The following TTC9 variants were observed in gnomAD, a reference collection of about 807,000 sequenced individuals.
TTC9 encodes tetratricopeptide repeat domain 9, also known as tetratricopeptide repeat protein 9A.
Under a neutral mutation model 22.9 loss-of-function variants are expected in TTC9, and 13 were observed. The ratio of observed to expected loss-of-function variants is 0.57; its 90% confidence interval spans 0.37 to 0.90. The LOEUF (loss-of-function observed/expected upper bound fraction) is 0.90. TTC9 is among the 40% of genes least tolerant of loss of function. The pLI, the probability that TTC9 is intolerant of heterozygous loss-of-function variation, is 0.01. For synonymous variants in TTC9, 148 were observed against 133.2 expected (o/e 1.11, Z -0.77); for missense variants, 280 against 291.8 (o/e 0.96, Z 0.29).
chr14:70,662,004 C>T (rs1886150680), intron 1 of TTC9, among the ~76,000 whole-genome samples: 1 of 152,178 alleles, frequency 6.6e-6, no homozygotes, highest in Non-Finnish European at 1.5e-5. Flanking sequence ...TCCTCTAGCA[C>T]TTCTTCCCAC....
chr14:70,668,842 C>A (rs141440980), intron 2 of TTC9, among the ~76,000 whole-genome samples: 3,791 of 117,120 alleles, frequency 0.032, 173 homozygotes, highest in African/African-American at 0.12. Flanking sequence ...CAGAACAAGA[C>A]CTTGTCTAAA....
Position 70,671,495 on chromosome 14 carries a change from G to A in TTC9, c.*340G>A, listed in dbSNP as rs1362333059. 1 of 256,852 alleles carries A rather than the reference G, an allele frequency of 3.9e-6. No individual in the cohort carries two copies. The highest frequency in any genetic ancestry group is 7.7e-6 in the Non-Finnish European group (1 of 130,108). 15.9% of individuals were successfully genotyped at this position (256,852 alleles called of 1,614,324 possible). A position where few individuals can be genotyped will look rare whatever the true frequency, so the allele number is the denominator to read the frequency against. On this transcript the variant is annotated 3_prime_UTR_variant, in exon 3 of 3. Coordinates refer to ENST00000256367, the MANE Select transcript of TTC9 (RefSeq NM_015351.2). ...GGCCAGTGCTTCTGACAGAGGCGGA[G>A]CCTGGCAAGTGTACCATCCCACAGG...
rs1886340664 is a variant in TTC9, at chr14:70,674,496, T to G, written c.*3341T>G. On this transcript the variant is annotated 3_prime_UTR_variant, in exon 3 of 3. Transcript: ENST00000256367. Reference sequence around the variant, plus strand: ...TCTTTAATAACTTTTCAAGTGTGTATTTATATTTTAGAATATGTAATCCTA... The same window carrying G: ...TCTTTAATAACTTTTCAAGTGTGTAGTTATATTTTAGAATATGTAATCCTA... 6.6e-6 allele frequency: 1 copy of G among 152,244 alleles called. No individual in the cohort carries two copies. The highest frequency in any genetic ancestry group is 2.1e-4 in the South Asian group (1 of 4,826). 9.4% of individuals were successfully genotyped at this position (152,244 alleles called of 1,614,324 possible). A position where few individuals can be genotyped will look rare whatever the true frequency, so the allele number is the denominator to read the frequency against.
At chr14:70,644,460 A>G (rs1885874663) in intron 1 of TTC9, among the ~76,000 whole-genome samples, 1 of 152,230 alleles carries the variant, frequency 6.6e-6, no homozygotes, top group East Asian at 1.9e-4. Context: ...TTAAATCTTT[A>G]TAATCTATGT....
chr14:70,654,450 G>A (rs1886029361), intron 1 of TTC9, among the ~76,000 whole-genome samples: 1 of 151,502 alleles, frequency 6.6e-6, no homozygotes, highest in African/African-American at 2.4e-5. Flanking sequence ...AATTAGCCGG[G>A]CGTGGCGGTA....
Position 70,672,642 on chromosome 14 carries a change from C to G in TTC9, c.*1487C>G, listed in dbSNP as rs1478848721. 6.6e-6 allele frequency: 1 copy of G among 152,050 alleles called. No individual in the cohort carries two copies. The highest frequency in any genetic ancestry group is 1.5e-5 in the Non-Finnish European group (1 of 68,016). 9.4% of individuals were successfully genotyped at this position (152,050 alleles called of 1,614,324 possible). A position where few individuals can be genotyped will look rare whatever the true frequency, so the allele number is the denominator to read the frequency against. ...GACTAGTGAAAAAGACAATGTTGTA[C>G]AAAATTAAAATATATACAGATGCAA... On this transcript the variant is annotated 3_prime_UTR_variant, in exon 3 of 3. Transcript: ENST00000256367.
At position 70,642,149 on chromosome 14, in the gene TTC9, C is replaced by T; in HGVS notation, c.20C>T (p.Ala7Val). ...GGCCGAATGGAGAGAAAGGGCTCGG[C>T]GGCCGGGGCCAAGGGGAACCCGAGC... MERKGS[A>V]AGAKGNPSPP... Residue 7 changes from alanine (A) to valine (V), a missense_variant, in exon 1 of 3, where the codon GCG (alanine) becomes GTG (valine). Physicochemically the swap from Ala to Val is moderately conservative, Grantham distance 64. Around this residue, in one of 5 missense-constraint regions of TTC9, gnomAD observed 49 missense variants for 39.8 expected, o/e 1.23. Coordinates refer to ENST00000256367, the MANE Select transcript of TTC9 (RefSeq NM_015351.2). The T allele has an allele frequency of 6.9e-6, 8 of 1,166,786 alleles. No homozygotes were observed. The highest frequency in any genetic ancestry group is 8.5e-6 in the Non-Finnish European group (8 of 940,784). 72.3% of individuals were successfully genotyped at this position (1,166,786 alleles called of 1,614,324 possible).
Position 70,667,604 on chromosome 14 carries a change from C to G in TTC9, c.447C>G (p.Val149=), listed in dbSNP as rs760159418. Residue 149 remains valine, a synonymous_variant, in exon 2 of 3, where the codon GTC becomes GTG. Coordinates refer to ENST00000256367, the MANE Select transcript of TTC9 (RefSeq NM_015351.2). ...CTGAGCTGGTAAACTATGAACGAGTCAAGGAATATTGCCTCAAAGTCTTGA... is the reference window on the plus strand; with the variant it reads ...CTGAGCTGGTAAACTATGAACGAGTGAAGGAATATTGCCTCAAAGTCTTGA... ...LQAELVNYER[V]KEYCLKVLKK... is the part of the protein sequence containing the mutation. The G allele has an allele frequency of 6.2e-7, 1 of 1,613,944 alleles. No homozygotes were observed. Among genetic ancestry groups the G allele is most frequent in the South Asian group, 1.1e-5 (1 of 91,074 alleles).
At chr14:70,650,880 G>A (rs1050530051) in intron 1 of TTC9, among the ~76,000 whole-genome samples, 3 of 152,064 alleles carry the variant, frequency 2.0e-5, no homozygotes, top group African/African-American at 2.4e-5. Flanking sequence ...TACAGTGTTC[G>A]CATTCAAGAA....
intron 1 of TTC9, among the ~76,000 whole-genome samples, chr14:70,659,432 G>A (rs1886114880): frequency 6.6e-6 from 1 of 152,196 alleles, no homozygotes; most frequent in African/African-American, 2.4e-5. Flanking sequence ...GTTTCAGGAA[G>A]AAACCAGAAA....
At chr14:70,651,210 A>G (rs1434695996) in intron 1 of TTC9, among the ~76,000 whole-genome samples, 1 of 152,190 alleles carries the variant, frequency 6.6e-6, no homozygotes, top group Non-Finnish European at 1.5e-5. Flanking sequence ...TCTAACTCCC[A>G]GCCTCAAGTG....
chr14:70,665,462 G>T (rs1165180893), intron 1 of TTC9, among the ~76,000 whole-genome samples: 2 of 152,316 alleles, frequency 1.3e-5, no homozygotes, highest in East Asian at 3.9e-4. Context: ...AGGGAGGAGA[G>T]GGGAGGGGGG....
intron 1 of TTC9, among the ~76,000 whole-genome samples, chr14:70,643,559 C>G (rs930807178): frequency 6.6e-6 from 1 of 152,156 alleles, no homozygotes; most frequent in Non-Finnish European, 1.5e-5. Context: ...CCTCCTAGTT[C>G]CTGACATGTG....
chr14:70,657,883 T>G (rs1479945032), intron 1 of TTC9, among the ~76,000 whole-genome samples: 1 of 152,182 alleles, frequency 6.6e-6, no homozygotes, highest in Non-Finnish European at 1.5e-5. Context: ...GGAGAATTGC[T>G]TGAACCCAGG....
intron 1 of TTC9, among the ~76,000 whole-genome samples, chr14:70,662,446 G>A (rs535349581): frequency 6.6e-6 from 1 of 150,444 alleles, no homozygotes; most frequent in African/African-American, 2.4e-5. Flanking sequence ...CACACAGCAG[G>A]AATCTAATTG....
chr14:70,642,646 T>A, intron 1 of TTC9, 111 bp downstream of exon 1: 2 of 1,093,862 alleles, frequency 1.8e-6, no homozygotes, highest in Middle Eastern at 2.3e-4. Flanking sequence ...ACTGTGTTGC[T>A]CTGGGGAGAA....
intron 1 of TTC9, among the ~76,000 whole-genome samples, chr14:70,651,498 T>C (rs1378553455): frequency 6.6e-6 from 1 of 152,062 alleles, no homozygotes; most frequent in Non-Finnish European, 1.5e-5. Flanking sequence ...TCAAGCAACA[T>C]TATCCCACAA....
chr14:70,660,314 T>G (rs543367845), intron 1 of TTC9, among the ~76,000 whole-genome samples: 2 of 152,358 alleles, frequency 1.3e-5, no homozygotes, highest in East Asian at 1.9e-4. Flanking sequence ...TCTGCCCTTG[T>G]GGGTAGTGGG....
Position 70,642,394 on chromosome 14 carries a change from G to T in TTC9, c.265G>T (p.Gly89Trp). 3.1e-6 allele frequency: 5 copies of T among 1,603,068 alleles called. No individual in the cohort carries two copies. The highest frequency in any genetic ancestry group is 4.3e-6 in the Non-Finnish European group (5 of 1,175,744). ...KYHRALLELK[G>W]LLPPPGERER... ...CCACCGGGCGTTGCTGGAGCTGAAG[G>T]GGCTGCTGCCGCCCCCCGGGGAACG... Residue 89 changes from glycine to tryptophan, a missense_variant, in exon 1 of 3, where the codon GGG (glycine) becomes TGG (tryptophan). Gly to Trp is a radical substitution (Grantham distance 184). Around this residue, in one of 5 missense-constraint regions of TTC9, gnomAD observed 165 missense variants for 145.4 expected, o/e 1.14. Transcript: ENST00000256367.
Sources: gnomAD v4.1 joint callset for allele counts (sites outside exome capture counted in the v4.1 genomes callset) on GRCh38, gnomAD v4.1.1 for gene constraint, gnomAD v4.1.1 regional missense constraint, MANE v1.5 for transcripts, NCBI Gene and HGNC (gene_info 2026-07-23, HGNC 2026-07-21) for gene names.